DDI2: variants seen among roughly 807,000 people sequenced by gnomAD.
DDI2 encodes the protein protein DDI1 homolog 2.
Under a neutral mutation model 48.1 loss-of-function variants are expected in DDI2, and 5 were observed. That is an observed-to-expected ratio of 0.10 (90% CI 0.05 to 0.22). The LOEUF is 0.22. Ranked by LOEUF, DDI2 falls within the 10% of genes least tolerant of loss-of-function variation. The probability of loss-of-function intolerance (pLI) is 1.00; values close to 1 mark genes in which losing one functional copy is unlikely to be tolerated. For synonymous variants in DDI2, 205 were observed against 183.6 expected, an observed-to-expected ratio of 1.12 and a Z score of -0.94; for missense variants, 285 against 506.2, an observed-to-expected ratio of 0.56 and a Z score of 4.19.
chr1:15,646,185 A>G (rs1253805564), intron 6 of DDI2, among the ~76,000 whole-genome samples: 1 of 152,188 alleles, frequency 6.6e-6, no homozygotes, highest in African/African-American at 2.4e-5. Context: ...CCCAAGGGCT[A>G]ACTGTGCCTC....
intron 1 of DDI2, among the ~76,000 whole-genome samples, chr1:15,624,229 T>C (rs1478330907): frequency 6.6e-6 from 1 of 152,172 alleles, no homozygotes; most frequent in African/African-American, 2.4e-5. Flanking sequence ...ACCTGCCATT[T>C]CTCTTGACAT....
At chr1:15,644,812 C>T (rs1359707041) in intron 6 of DDI2, among the ~76,000 whole-genome samples, 1 of 151,858 alleles carries the variant, frequency 6.6e-6, no homozygotes, top group African/African-American at 2.4e-5. Context: ...CCAGGGTGGT[C>T]TCCATCTCCT....
At position 15,663,163 on chromosome 1, in the gene DDI2, T is replaced by A. The variant is rs1448700977; in HGVS notation, c.*3373T>A. 1 of 152,226 alleles carries A rather than the reference T, an allele frequency of 6.6e-6. No individual in the cohort carries two copies. Among genetic ancestry groups the A allele is most frequent in the African/African-American group, 2.4e-5 (1 of 41,460 alleles). 9.4% of individuals were successfully genotyped at this position (152,226 alleles called of 1,614,324 possible). A position where few individuals can be genotyped will look rare whatever the true frequency, so the allele number is the denominator to read the frequency against. ...ATTTCTGATTCTAGATTATAGTTTG[T>A]AACATGTTTGAAACAGAAGCTTCGA... On this transcript the variant is annotated 3_prime_UTR_variant, in exon 10 of 10. Coordinates refer to ENST00000480945, the MANE Select transcript of DDI2 (RefSeq NM_032341.5).
chr1:15,668,747 C>T lies in DDI2; in HGVS notation c.*8957C>T, dbSNP rs771710208. 1.3e-5 allele frequency: 2 copies of T among 152,188 alleles called. No individual in the cohort carries two copies. Among genetic ancestry groups the T allele is most frequent in the African/African-American group, 2.4e-5 (1 of 41,442 alleles). The allele number at this position is 152,188 out of a possible 1,614,324, so 9.4% of individuals were successfully genotyped here. A position where few individuals can be genotyped will look rare whatever the true frequency, so the allele number is the denominator to read the frequency against. ...GTCTTGCCAGTGGCCCTGTCACTCC[C>T]ATGATGCTTTGGTTTTGAGAGTTGG... is the stretch of plus-strand genomic sequence containing the variant. On this transcript the variant is annotated 3_prime_UTR_variant, in exon 10 of 10. Coordinates refer to ENST00000480945, the MANE Select transcript of DDI2 (RefSeq NM_032341.5).
At chr1:15,650,435 C>G (rs1640159285) in intron 7 of DDI2, among the ~76,000 whole-genome samples, 1 of 152,074 alleles carries the variant, frequency 6.6e-6, no homozygotes, top group African/African-American at 2.4e-5. Flanking sequence ...TCACATTTTT[C>G]ACAGTAGGGT....
chr1:15,617,511 G>A lies in DDI2; in HGVS notation c.-160G>A, dbSNP rs1639580463. 2 of 453,696 alleles carry A rather than the reference G, an allele frequency of 4.4e-6. No homozygotes were observed. Among genetic ancestry groups the A allele is most frequent in the African/African-American group, 4.1e-5 (2 of 48,960 alleles). The allele number at this position is 453,696 out of a possible 1,614,324, so 28.1% of individuals were successfully genotyped here. On this transcript the variant is annotated 5_prime_UTR_variant, in exon 1 of 10. Transcript: ENST00000480945. ...CCGTGCTTGCTAGTGAGGGCGGGAG[G>A]GAGTGACTCACTGAGCGTGTGTGAG... is the stretch of plus-strand genomic sequence containing the variant.
intron 2 of DDI2, among the ~76,000 whole-genome samples, chr1:15,628,280 A>G (rs1639789166): frequency 6.6e-6 from 1 of 152,204 alleles, no homozygotes; most frequent in Non-Finnish European, 1.5e-5. Context: ...TAACTACCTC[A>G]CAGAGATCAT....
At chr1:15,641,615 T>A (rs865783132) in intron 5 of DDI2, among the ~76,000 whole-genome samples, 5 of 152,074 alleles carry the variant, frequency 3.3e-5, no homozygotes, top group Admixed American at 6.6e-5. Flanking sequence ...ATTGTCCTTT[T>A]GCAAGGGAAT....
At chr1:15,619,713 G>A (rs1213490428) in intron 1 of DDI2, among the ~76,000 whole-genome samples, 2 of 152,054 alleles carry the variant, frequency 1.3e-5, no homozygotes, top group East Asian at 1.9e-4. Flanking sequence ...TGCCCGCCTC[G>A]GCCTTCCAAA....
chr1:15,646,580 G>A (rs562213088), intron 6 of DDI2, among the ~76,000 whole-genome samples: 6 of 152,100 alleles, frequency 3.9e-5, no homozygotes, highest in East Asian at 1.9e-4. Context: ...CCAGCTATTC[G>A]GGAGGCTGAG....
In DDI2 at chr1:15,665,679, G is replaced by A. The variant is rs1036420020; in HGVS notation, c.*5889G>A. 2 of 152,098 alleles carry A rather than the reference G, an allele frequency of 1.3e-5. No homozygotes were observed. The highest frequency in any genetic ancestry group is 3.8e-4 in the East Asian group (2 of 5,198). The allele number at this position is 152,098 out of a possible 1,614,324, so 9.4% of individuals were successfully genotyped here. On this transcript the variant is annotated 3_prime_UTR_variant, in exon 10 of 10. Transcript: ENST00000480945. ...AAAGCAAGCAATTTTTATATCTACA[G>A]ACGTACTCTTCACTTATGGTGGCTT... is the stretch of plus-strand genomic sequence containing the variant.
At position 15,662,632 on chromosome 1, in the gene DDI2, T is replaced by C. The variant is rs1230895999; in HGVS notation, c.*2842T>C. On this transcript the variant is annotated 3_prime_UTR_variant, in exon 10 of 10. Coordinates refer to ENST00000480945, the MANE Select transcript of DDI2 (RefSeq NM_032341.5). ...CTTAATGACTAATGGTGGAATTAAG[T>C]TCAGGAATGGATTCATTGCCAGCAG... 1 of 152,226 alleles carries C rather than the reference T, an allele frequency of 6.6e-6. No homozygotes were observed. The highest frequency in any genetic ancestry group is 1.5e-5 in the Non-Finnish European group (1 of 68,036). 9.4% of individuals were successfully genotyped at this position (152,226 alleles called of 1,614,324 possible).
Position 15,642,080 on chromosome 1 carries a change from T to A in DDI2, c.761-1442T>A, listed in dbSNP as rs963748162. Among the ~76,000 whole-genome samples the A allele has an allele frequency of 1.1e-4, 17 of 151,720 alleles. 1 individual carries two copies. The highest frequency in any genetic ancestry group is 4.1e-4 in the African/African-American group (17 of 41,324). The stretch of plus-strand genomic sequence containing the variant: ...GAGTCAAAAGTGAACAGTGCCCAGG[T>A]TTTATGGCTGCAAGAAAATAATCCC... On this transcript the variant is annotated intron_variant, in intron 5 of 9. Coordinates refer to ENST00000480945, the MANE Select transcript of DDI2 (RefSeq NM_032341.5).
intron 2 of DDI2, 170 bp downstream of exon 2, chr1:15,626,968 G>A: frequency 1.2e-6 from 1 of 855,650 alleles, no homozygotes; most frequent in Admixed American, 3.0e-5. Context: ...TCTCTAAATT[G>A]GTTTCCTCTT....
At chr1:15,646,470 T>G (rs1640093471) in intron 6 of DDI2, among the ~76,000 whole-genome samples, 1 of 152,212 alleles carries the variant, frequency 6.6e-6, no homozygotes, top group Non-Finnish European at 1.5e-5. Flanking sequence ...GTGGATCACC[T>G]GAGGTCAGGA....
chr1:15,652,845 TA>T (rs1051574247), intron 8 of DDI2, among the ~76,000 whole-genome samples: 5 of 149,280 alleles, frequency 3.3e-5, no homozygotes, highest in East Asian at 3.9e-4. Flanking sequence ...TAATAAAAAT[TA>T]AAAAAAAATT....
Position 15,660,293 on chromosome 1 carries a change from A to G in DDI2, c.*503A>G, listed in dbSNP as rs1023185237. On this transcript the variant is annotated 3_prime_UTR_variant, in exon 10 of 10. Transcript: ENST00000480945. Reference sequence around the variant, plus strand: ...TCTGTCACATCTACTAGGATGCATGAACCACAGATGTTTCTAGGTGAAAAG... The same window carrying G: ...TCTGTCACATCTACTAGGATGCATGGACCACAGATGTTTCTAGGTGAAAAG... 1.4e-5 allele frequency: 23 copies of G among 1,614,202 alleles called. No homozygotes were observed. Among genetic ancestry groups the G allele is most frequent in the Non-Finnish European group, 1.9e-5 (23 of 1,180,032 alleles).
chr1:15,631,964 C>G (rs1408931113), intron 3 of DDI2, among the ~76,000 whole-genome samples: 1 of 152,060 alleles, frequency 6.6e-6, no homozygotes, highest in African/African-American at 2.4e-5. Context: ...CACCACCACA[C>G]CCGGCTAATT....
At position 15,660,773 on chromosome 1, in the gene DDI2, A is replaced by G. The variant is rs781694544; in HGVS notation, c.*983A>G. The G allele has an allele frequency of 1.9e-6, 3 of 1,613,934 alleles. No individual in the cohort carries two copies. Among genetic ancestry groups the G allele is most frequent in the South Asian group, 1.1e-5 (1 of 91,028 alleles). ...TGTAACCCTTCATCTGAAATTTTGA[A>G]TGATTCCATTTCCACTCAGGATTTA... On this transcript the variant is annotated 3_prime_UTR_variant, in exon 10 of 10. Transcript: ENST00000480945.
Sources: allele counts gnomAD v4.1 joint callset (sites outside exome capture counted in the v4.1 genomes callset), GRCh38; gene constraint gnomAD v4.1.1; transcripts MANE v1.5; gene names NCBI Gene and HGNC (gene_info 2026-07-23, HGNC 2026-07-21).